The following LRRC4C variants were observed in gnomAD, a reference collection of about 807,000 sequenced individuals.
LRRC4C encodes leucine rich repeat containing 4C.
A neutral mutation model predicts 33.6 loss-of-function variants in LRRC4C; 5 were observed. The ratio of observed to expected loss-of-function variants is 0.15; its 90% CI spans 0.08 to 0.31. The LOEUF (loss-of-function observed/expected upper bound fraction) is 0.31, where lower values mean the gene tolerates loss of function less well. LRRC4C is among the 10% of genes least tolerant of loss of function. LRRC4C has a pLI of 1.00. For synonymous variants in LRRC4C, 329 were observed against 302.0 expected (o/e 1.09, Z -0.93); for missense variants, 560 against 796.7 (o/e 0.70, Z 3.58).
intron 2 of LRRC4C, among the ~76,000 whole-genome samples, chr11:40,910,183 T>TA (rs1299752239): frequency 1.3e-5 from 2 of 152,118 alleles, no homozygotes; most frequent in Admixed American, 1.3e-4. Context: ...CATCAATCAA[T>TA]AAAAAACGTA....
chr11:40,631,827 A>G (rs1214980168), intron 3 of LRRC4C, among the ~76,000 whole-genome samples: 1 of 152,180 alleles, frequency 6.6e-6, no homozygotes, highest in Non-Finnish European at 1.5e-5. Flanking sequence ...TTGTGCCACT[A>G]TATTTATTTG....
chr11:40,222,164 G>T (rs1590748955), intron 5 of LRRC4C, among the ~76,000 whole-genome samples: 1 of 152,124 alleles, frequency 6.6e-6, no homozygotes, highest in Admixed American at 6.5e-5. Context: ...CCCAGTAACG[G>T]CAAGTAATTT....
chr11:41,430,384 G>C (rs1955190649), intron 1 of LRRC4C, among the ~76,000 whole-genome samples: 1 of 152,078 alleles, frequency 6.6e-6, no homozygotes, highest in Non-Finnish European at 1.5e-5. Flanking sequence ...AGAAAATGAA[G>C]AAAGTAATGG....
intron 1 of LRRC4C, among the ~76,000 whole-genome samples, chr11:41,439,407 G>A (rs1406161015): frequency 6.6e-6 from 1 of 152,090 alleles, no homozygotes; most frequent in Non-Finnish European, 1.5e-5. Context: ...GGACTTGCTG[G>A]ATCAAATGGT....
intron 4 of LRRC4C, among the ~76,000 whole-genome samples, chr11:40,289,092 T>C (rs1039030523): frequency 2.6e-5 from 4 of 152,220 alleles, no homozygotes; most frequent in African/African-American, 7.2e-5. Context: ...TAAAATAATA[T>C]ATTGAGCCAA....
chr11:40,868,133 T>C (rs920176464), intron 2 of LRRC4C, among the ~76,000 whole-genome samples: 2 of 152,142 alleles, frequency 1.3e-5, no homozygotes, highest in African/African-American at 4.8e-5. Flanking sequence ...CACAAGCTAA[T>C]TGTTTTTTCT....
intron 1 of LRRC4C, among the ~76,000 whole-genome samples, chr11:41,287,576 G>T (rs1242688289): frequency 1.3e-5 from 2 of 152,128 alleles, no homozygotes; most frequent in Non-Finnish European, 2.9e-5. Context: ...TATATGAATA[G>T]AATTGTAGGT....
intron 1 of LRRC4C, among the ~76,000 whole-genome samples, chr11:41,190,734 A>G (rs1380427646): frequency 1.3e-5 from 2 of 152,208 alleles, no homozygotes; most frequent in African/African-American, 4.8e-5. Context: ...AAATGACGTG[A>G]CACTAGTTTG....
chr11:40,146,372 G>A (rs1857730912), intron 5 of LRRC4C, among the ~76,000 whole-genome samples: 1 of 152,024 alleles, frequency 6.6e-6, no homozygotes. Flanking sequence ...AATAACAATA[G>A]CAAACCTAGG....
intron 3 of LRRC4C, among the ~76,000 whole-genome samples, chr11:40,402,130 G>A (rs552681418): frequency 6.6e-6 from 1 of 151,942 alleles, no homozygotes; most frequent in Non-Finnish European, 1.5e-5. Flanking sequence ...AAAGGAAAAG[G>A]GTTCAAAGAC....
At chr11:41,308,796 C>T (rs370308022) in intron 1 of LRRC4C, among the ~76,000 whole-genome samples, 1 of 151,576 alleles carries the variant, frequency 6.6e-6, no homozygotes, top group Non-Finnish European at 1.5e-5. Context: ...GCAGATACAA[C>T]GTCTCTTTTT....
intron 3 of LRRC4C, among the ~76,000 whole-genome samples, chr11:40,515,118 TA>T (rs1332462343): frequency 1.3e-5 from 2 of 152,140 alleles, no homozygotes; most frequent in Non-Finnish European, 1.5e-5. Flanking sequence ...CTTTCATCTA[TA>T]TGTGCTACTT....
chr11:40,151,028 G>A (rs1858162849), intron 5 of LRRC4C, among the ~76,000 whole-genome samples: 1 of 152,130 alleles, frequency 6.6e-6, no homozygotes, highest in Non-Finnish European at 1.5e-5. Context: ...CCATATGCCT[G>A]CAAGAGTATT....
At chr11:41,264,907 G>A (rs1040726065) in intron 1 of LRRC4C, among the ~76,000 whole-genome samples, 1 of 152,260 alleles carries the variant, frequency 6.6e-6, no homozygotes, top group Admixed American at 6.5e-5. Flanking sequence ...CTTGATGTAA[G>A]TTCAAGATTG....
intron 3 of LRRC4C, among the ~76,000 whole-genome samples, chr11:40,382,123 A>ATTTTTTTTTT (rs77934711): frequency 1.8e-3 from 182 of 99,962 alleles, no homozygotes; most frequent in Non-Finnish European, 2.3e-3. Context: ...TGCCCGGCTA[A>ATTTTTTTTTT]TTTTTTTTTT....
chr11:41,422,865 A>G (rs929759507), intron 1 of LRRC4C, among the ~76,000 whole-genome samples: 5 of 152,086 alleles, frequency 3.3e-5, no homozygotes, highest in Non-Finnish European at 7.4e-5. Context: ...GTCAGCAGAG[A>G]CGCACTGAAT....
chr11:40,794,290 G>T (rs1950738479), intron 2 of LRRC4C, among the ~76,000 whole-genome samples: 1 of 148,818 alleles, frequency 6.7e-6, no homozygotes, highest in Non-Finnish European at 1.5e-5. Context: ...CTGGGCCATA[G>T]GCATTTAGTG....
chr11:40,940,974 C>T (rs569727254), intron 1 of LRRC4C, among the ~76,000 whole-genome samples: 10 of 147,512 alleles, frequency 6.8e-5, no homozygotes, highest in South Asian at 4.2e-4. Context: ...AGAATGATCA[C>T]GTAATACATT....
intron 2 of LRRC4C, among the ~76,000 whole-genome samples, chr11:40,887,608 C>A (rs1380138127): frequency 6.6e-6 from 1 of 151,890 alleles, no homozygotes; most frequent in Non-Finnish European, 1.5e-5. Flanking sequence ...CATAGCATAG[C>A]CAGCTTAGAT....
Sources: allele counts gnomAD v4.1 joint callset (sites outside exome capture counted in the v4.1 genomes callset), GRCh38; gene constraint gnomAD v4.1.1; transcripts MANE v1.5; gene names NCBI Gene and HGNC (gene_info 2026-07-23, HGNC 2026-07-21).